The following FAM24B variants were observed in gnomAD, a reference collection of about 807,000 sequenced individuals.
FAM24B encodes the protein family with sequence similarity 24 member B.
In FAM24B, 3 loss-of-function variants were observed where a neutral mutation model predicts 2.3. The ratio of observed to expected loss-of-function variants is 1.29; its 90% confidence interval spans 0.59 to 3.32. FAM24B has a LOEUF of 3.32. FAM24B is among the 30% of genes most tolerant of loss of function. FAM24B has a pLI of 0.03. For missense variants in FAM24B, 98 were observed against 117.2 expected (o/e 0.84, Z 0.76); for synonymous variants, 36 against 46.3 (o/e 0.78, Z 0.90).
chr10:122,856,600 A>C (rs1001374597), intron 1 of FAM24B, among the ~76,000 whole-genome samples: 5 of 152,132 alleles, frequency 3.3e-5, no homozygotes, highest in Non-Finnish European at 7.4e-5. Context: ...GCATCTGAAT[A>C]TCTTTCCCAC....
intron 2 of FAM24B, chr10:122,850,768 T>C (rs1847520774): frequency 2.3e-6 from 1 of 437,960 alleles, no homozygotes; most frequent in East Asian, 4.1e-5. Context: ...TGAAAAGGAA[T>C]GGAAATGCAA....
intron 1 of FAM24B, among the ~76,000 whole-genome samples, chr10:122,869,053 G>GAC (rs1847848977): frequency 6.6e-6 from 1 of 152,028 alleles, no homozygotes; most frequent in Non-Finnish European, 1.5e-5. Context: ...CACGTGCAGA[G>GAC]ACACACATAG....
chr10:122,863,983 T>C (rs2133833966), intron 1 of FAM24B, among the ~76,000 whole-genome samples: 1 of 152,340 alleles, frequency 6.6e-6, no homozygotes, highest in East Asian at 1.9e-4. Flanking sequence ...CATGATCTTG[T>C]TCAGGTCAGG....
intron 1 of FAM24B, among the ~76,000 whole-genome samples, chr10:122,867,051 G>A (rs958165206): frequency 2.6e-5 from 4 of 152,182 alleles, no homozygotes; most frequent in African/African-American, 9.6e-5. Flanking sequence ...ACACAGATAA[G>A]GATACAAAAT....
intron 1 of FAM24B, among the ~76,000 whole-genome samples, chr10:122,872,196 C>T (rs897673604): frequency 1.3e-5 from 2 of 152,204 alleles, no homozygotes; most frequent in African/African-American, 2.4e-5. Context: ...TGCTCATCAT[C>T]ACTGGCCATC....
At chr10:122,872,887 G>T (rs973600789) in intron 1 of FAM24B, among the ~76,000 whole-genome samples, 1 of 152,076 alleles carries the variant, frequency 6.6e-6, no homozygotes, top group African/African-American at 2.4e-5. Context: ...GTATACGTAT[G>T]TAACAAACCT....
chr10:122,868,004 G>C (rs192321452), intron 1 of FAM24B, among the ~76,000 whole-genome samples: 2,382 of 152,156 alleles, frequency 0.016, 58 homozygotes, highest in African/African-American at 0.054. Context: ...AGCTAAAGGA[G>C]GAAGTTCAAA....
At chr10:122,853,642 A>G (rs1244799997) in intron 2 of FAM24B, among the ~76,000 whole-genome samples, 3 of 152,156 alleles carry the variant, frequency 2.0e-5, no homozygotes, top group Admixed American at 6.5e-5. Flanking sequence ...TAATCCCAGC[A>G]CTTTGGAAGG....
chr10:122,850,298 T>C (rs1345586357), intron 3 of FAM24B, 126 bp downstream of exon 3: 1 of 752,132 alleles, frequency 1.3e-6, no homozygotes, highest in East Asian at 2.5e-5. Context: ...ACCCAGGGTA[T>C]GGCCACAGCA....
rs1047410967 is a variant in FAM24B, at chr10:122,879,527, T to G, written c.-220A>C. On this transcript the variant is annotated 5_prime_UTR_variant, in exon 1 of 4. The change abolishes an upstream ATG in the 5' untranslated region. Coordinates refer to ENST00000368898, the MANE Select transcript of FAM24B (RefSeq NM_152644.3). The stretch of plus-strand genomic sequence containing the variant: ...CCATCCGCCCAGCAACCGTGGTCCA[T>G]GCTGCCTGCGTCCACCGCCAGCGTC... The G allele has an allele frequency of 6.5e-6, 1 of 152,734 alleles. No homozygotes were observed. Among genetic ancestry groups the G allele is most frequent in the African/African-American group, 2.4e-5 (1 of 41,456 alleles). 9.5% of individuals were successfully genotyped at this position (152,734 alleles called of 1,614,324 possible).
intron 1 of FAM24B, among the ~76,000 whole-genome samples, chr10:122,859,651 C>A (rs997556737): frequency 2.6e-4 from 39 of 152,184 alleles, no homozygotes; most frequent in African/African-American, 8.9e-4. Context: ...ACCTAGAAAA[C>A]AAACTCTGAC....
chr10:122,856,848 C>T (rs1355487313), intron 1 of FAM24B, among the ~76,000 whole-genome samples: 2 of 152,188 alleles, frequency 1.3e-5, no homozygotes, highest in Non-Finnish European at 2.9e-5. Context: ...TGGGTTACTG[C>T]TGCTTCCCTC....
chr10:122,865,829 C>G (rs1298411893), intron 1 of FAM24B, among the ~76,000 whole-genome samples: 1 of 147,702 alleles, frequency 6.8e-6, no homozygotes, highest in East Asian at 2.0e-4. Flanking sequence ...TTTCTCCTTT[C>G]TAAGTTTGGG....
intron 1 of FAM24B, among the ~76,000 whole-genome samples, chr10:122,876,594 CA>C (rs1378635930): frequency 1.3e-5 from 2 of 152,212 alleles, no homozygotes; most frequent in Admixed American, 6.5e-5. Context: ...AGCAAGTCAT[CA>C]ATGACCATTT....
intron 2 of FAM24B, among the ~76,000 whole-genome samples, chr10:122,851,295 T>G (rs2133823939): frequency 6.6e-6 from 1 of 152,310 alleles, no homozygotes; most frequent in Non-Finnish European, 1.5e-5. Flanking sequence ...CAAAGTAAAC[T>G]TTAGGGAACA....
At chr10:122,855,042 C>CTTTA (rs1206407895) in intron 2 of FAM24B, among the ~76,000 whole-genome samples, 7 of 152,232 alleles carry the variant, frequency 4.6e-5, no homozygotes, top group African/African-American at 1.4e-4. Context: ...GGAAACTTAT[C>CTTTA]TTTACCTTCA....
chr10:122,857,272 G>T (rs1432822485), intron 1 of FAM24B, among the ~76,000 whole-genome samples: 1 of 152,082 alleles, frequency 6.6e-6, no homozygotes, highest in Admixed American at 6.5e-5. Flanking sequence ...CATATTCGCT[G>T]GTCCAGCCTA....
At chr10:122,857,006 T>C (rs745860618) in intron 1 of FAM24B, among the ~76,000 whole-genome samples, 2 of 152,186 alleles carry the variant, frequency 1.3e-5, no homozygotes, top group Admixed American at 6.5e-5. Context: ...TTTGTGATTG[T>C]AGGAATGAGG....
intron 1 of FAM24B, among the ~76,000 whole-genome samples, chr10:122,864,402 T>C (rs973730200): frequency 3.3e-5 from 5 of 152,164 alleles, no homozygotes; most frequent in African/African-American, 4.8e-5. Context: ...ATCACTGAGG[T>C]CTGTTGCGTG....
Sources: allele counts gnomAD v4.1 joint callset (sites outside exome capture counted in the v4.1 genomes callset), GRCh38; gene constraint gnomAD v4.1.1; transcripts MANE v1.5; gene names NCBI Gene and HGNC (gene_info 2026-07-23, HGNC 2026-07-21).